Variants in TXLNB observed in about 807,000 individuals in gnomAD.
TXLNB encodes the protein taxilin beta.
In TXLNB, 37 loss-of-function variants were observed where a neutral mutation model predicts 57.4. The observed-to-expected ratio is 0.64, with a 90% CI of 0.50 to 0.85. The LOEUF (loss-of-function observed/expected upper bound fraction) is 0.85. Ranked by LOEUF, TXLNB falls within the 40% of genes least tolerant of loss-of-function variation. The probability of loss-of-function intolerance (pLI) is 0.00; values close to 1 mark genes in which losing one functional copy is unlikely to be tolerated. For synonymous variants in TXLNB, 302 were observed against 309.6 expected (o/e 0.98, Z 0.26); for missense variants, 848 against 825.6 (o/e 1.03, Z -0.33).
At chr6:139,190,307 TTC>T in the TXLNB span, among the ~76,000 whole-genome samples, 17 of 135,440 alleles carry the variant, frequency 1.3e-4, no homozygotes, top group Non-Finnish European at 1.6e-4. Context: ...CTTTCTTTCT[TTC>T]TTTTTTTTTT....
At chr6:139,318,285 A>AAG in the TXLNB span, among the ~76,000 whole-genome samples, 1 of 151,026 alleles carries the variant, frequency 6.6e-6, no homozygotes, top group Non-Finnish European at 1.5e-5. Context: ...AAAAAAAAAA[A>AAG]AAAGAAAAGA....
intron 1 of TXLNB, among the ~76,000 whole-genome samples, chr6:139,291,338 C>T (rs939809915): frequency 6.6e-6 from 1 of 152,156 alleles, no homozygotes. Context: ...AATAAAATCT[C>T]AAGTAAAATG....
chr6:139,308,217 C>G, the TXLNB span, among the ~76,000 whole-genome samples: 1 of 152,172 alleles, frequency 6.6e-6, no homozygotes, highest in African/African-American at 2.4e-5. Context: ...GAGTCACTGA[C>G]TCTGGCTACC....
chr6:139,277,978 A>C (rs1003751483), intron 2 of TXLNB, among the ~76,000 whole-genome samples: 1 of 152,216 alleles, frequency 6.6e-6, no homozygotes, highest in Non-Finnish European at 1.5e-5. Flanking sequence ...GCCAGATGAA[A>C]TATAGGACAT....
At position 139,240,228 on chromosome 6, in the gene TXLNB, GTTATAA is replaced by G. The variant is rs1478749638; in HGVS notation, c.*2292_*2297del. 1 of 152,554 alleles carries G rather than the reference GTTATAA, an allele frequency of 6.6e-6. No individual in the cohort carries two copies. The allele number at this position is 152,554 out of a possible 1,614,324, so 9.5% of individuals were successfully genotyped here. On this transcript the variant is annotated 3_prime_UTR_variant, in exon 10 of 10. Transcript: ENST00000358430. Reference sequence around the variant, plus strand: ...TGAATTTAGAACTTTATGAGTTATTGTTATAATTAGTAAGGCTAAATTTTAACACAA... The same window carrying G: ...TGAATTTAGAACTTTATGAGTTATTGTTAGTAAGGCTAAATTTTAACACAA...
chr6:139,280,917 AT>A (rs1241377483), intron 2 of TXLNB, among the ~76,000 whole-genome samples: 2 of 152,208 alleles, frequency 1.3e-5, no homozygotes, highest in African/African-American at 4.8e-5. Flanking sequence ...ATCTATAGAT[AT>A]CTTTTAAGGG....
the TXLNB span, among the ~76,000 whole-genome samples, chr6:139,323,332 G>T: frequency 6.6e-6 from 1 of 150,768 alleles, no homozygotes; most frequent in East Asian, 1.9e-4. Flanking sequence ...GCCTAGGCTG[G>T]AGTGCAATGG....
chr6:139,257,266 C>G (rs1247389184), intron 6 of TXLNB, among the ~76,000 whole-genome samples: 1 of 152,092 alleles, frequency 6.6e-6, no homozygotes, highest in Non-Finnish European at 1.5e-5. Flanking sequence ...CTGGATAATT[C>G]TCTAGAGTTT....
At chr6:139,268,528 AG>A (rs1384300458) in intron 4 of TXLNB, among the ~76,000 whole-genome samples, 1 of 152,230 alleles carries the variant, frequency 6.6e-6, no homozygotes, top group East Asian at 1.9e-4. Flanking sequence ...CCTGGGTCAA[AG>A]AAAAAATTAG....
chr6:139,273,136 G>A (rs1369888450), intron 3 of TXLNB, among the ~76,000 whole-genome samples: 3 of 152,192 alleles, frequency 2.0e-5, no homozygotes, highest in Non-Finnish European at 4.4e-5. Context: ...CATATGTCAG[G>A]GCTTCTGAAC....
chr6:139,272,902 C>T (rs77607053), intron 3 of TXLNB, among the ~76,000 whole-genome samples: 6,176 of 151,968 alleles, frequency 0.041, 417 homozygotes, highest in African/African-American at 0.14. Flanking sequence ...AGCCTAGGGG[C>T]GGGTGCCTGT....
At chr6:139,207,728 C>T in the TXLNB span, among the ~76,000 whole-genome samples, 3 of 152,030 alleles carry the variant, frequency 2.0e-5, no homozygotes, top group Admixed American at 6.6e-5. Context: ...ATTGATGGCC[C>T]GTTAGTGAGA....
At chr6:139,239,420 A>G (rs1775874321), downstream of TXLNB, 1 of 152,378 alleles carries the variant, frequency 6.6e-6, no homozygotes. The surrounding 1 kb of genome is among the most constrained non-coding windows in gnomAD (Gnocchi z 4.7). Flanking sequence ...AGCCAGGCAG[A>G]GGAGTCTGGG....
chr6:139,297,232 C>G, the TXLNB span, among the ~76,000 whole-genome samples: 95,587 of 151,910 alleles, frequency 0.63, 30,413 homozygotes, highest in East Asian at 0.89. Flanking sequence ...TCTTCTTCTT[C>G]TTTACTGGTG....
At chr6:139,301,419 TGTGA>T in the TXLNB span, among the ~76,000 whole-genome samples, 1 of 152,324 alleles carries the variant, frequency 6.6e-6, no homozygotes, top group African/African-American at 2.4e-5. Context: ...GACATGAGTG[TGTGA>T]GTAAGCCTCT....
intron 1 of TXLNB, among the ~76,000 whole-genome samples, chr6:139,290,702 G>A (rs898896716): frequency 1.3e-5 from 2 of 152,250 alleles, no homozygotes; most frequent in African/African-American, 4.8e-5. Context: ...TTTGGTTTAG[G>A]CCTTTAAGTT....
chr6:139,287,907 A>G (rs1021031995), intron 2 of TXLNB, among the ~76,000 whole-genome samples: 1 of 152,260 alleles, frequency 6.6e-6, no homozygotes, highest in Non-Finnish European at 1.5e-5. Context: ...CTTGACCAAA[A>G]GACCATGATT....
the TXLNB span, among the ~76,000 whole-genome samples, chr6:139,189,310 C>G: frequency 6.6e-6 from 1 of 152,146 alleles, no homozygotes; most frequent in African/African-American, 2.4e-5. Flanking sequence ...AAGAAAATAT[C>G]TAGCAAATTA....
At chr6:139,226,746 G>A in the TXLNB span, among the ~76,000 whole-genome samples, 4 of 152,192 alleles carry the variant, frequency 2.6e-5, no homozygotes, top group Non-Finnish European at 5.9e-5. Flanking sequence ...ACTACAATGA[G>A]GGTCAGGTGC....
Sources: gnomAD v4.1 joint callset for allele counts (sites outside exome capture counted in the v4.1 genomes callset) on GRCh38, gnomAD v4.1.1 for gene constraint, Gnocchi (gnomAD v3.1) non-coding constraint, MANE v1.5 for transcripts, NCBI Gene and HGNC (gene_info 2026-07-23, HGNC 2026-07-21) for gene names.